Variants in RBPMS2 observed in about 807,000 individuals in gnomAD.
The protein encoded by RBPMS2 is RNA-binding protein with multiple splicing 2.
In RBPMS2, 14 loss-of-function variants were observed where a neutral mutation model predicts 25.7. That is an observed-to-expected ratio of 0.55 (90% CI 0.36 to 0.85). The LOEUF (loss-of-function observed/expected upper bound fraction) is 0.85. Among genes scored for constraint, RBPMS2 ranks in the 40% least tolerant of loss-of-function variants. The probability of loss-of-function intolerance (pLI) is 0.01; values close to 1 mark genes in which losing one functional copy is unlikely to be tolerated. For missense variants in RBPMS2, 252 were observed against 283.4 expected (o/e 0.89, Z 0.80); for synonymous variants, 127 against 115.6 (o/e 1.10, Z -0.63).
At chr15:64,752,907 C>T (rs750798392) in intron 1 of RBPMS2, among the ~76,000 whole-genome samples, 4 of 152,060 alleles carry the variant, frequency 2.6e-5, no homozygotes, top group Non-Finnish European at 5.9e-5. Context: ...CCACCGTGCC[C>T]GGCTGATGCT....
intron 1 of RBPMS2, among the ~76,000 whole-genome samples, chr15:64,769,056 G>C (rs1277423231): frequency 7.8e-6 from 1 of 128,136 alleles, no homozygotes; most frequent in Non-Finnish European, 1.6e-5. Context: ...AGCAGAGATC[G>C]TGCCACTGCA....
intron 1 of RBPMS2, among the ~76,000 whole-genome samples, chr15:64,771,727 A>C (rs1234535421): frequency 6.6e-6 from 1 of 152,026 alleles, no homozygotes; most frequent in Admixed American, 6.6e-5. Flanking sequence ...TGGGAGACTG[A>C]GGTGGGCAGG....
intron 1 of RBPMS2, among the ~76,000 whole-genome samples, chr15:64,757,751 AG>A (rs1259401679): frequency 1.3e-5 from 2 of 152,150 alleles, no homozygotes; most frequent in East Asian, 1.9e-4. Flanking sequence ...TCAGGGTAAC[AG>A]GGGAAACATT....
chr15:64,746,452 A>C (rs935995288), intron 6 of RBPMS2, among the ~76,000 whole-genome samples: 1 of 152,212 alleles, frequency 6.6e-6, no homozygotes, highest in East Asian at 1.9e-4. Context: ...CATGCGAACA[A>C]CACACCTATC....
At chr15:64,767,510 AG>A (rs2141076966) in intron 1 of RBPMS2, among the ~76,000 whole-genome samples, 1 of 152,306 alleles carries the variant, frequency 6.6e-6, no homozygotes, top group South Asian at 2.1e-4. Context: ...CCCTGCCTCC[AG>A]CTCGCAGGAT....
At chr15:64,752,473 T>A (rs1281074741) in intron 1 of RBPMS2, among the ~76,000 whole-genome samples, 3 of 152,176 alleles carry the variant, frequency 2.0e-5, no homozygotes, top group Non-Finnish European at 4.4e-5. Flanking sequence ...CTTATACTCC[T>A]GCCTCTCTGC....
Position 64,741,148 on chromosome 15 carries a change from C to T in RBPMS2, c.*7+25G>A, listed in dbSNP as rs766877121. The T allele has an allele frequency of 1.1e-5, 17 of 1,539,796 alleles. 1 individual carries two copies. In the South Asian group the frequency reaches 2.0e-4, roughly 18 times the overall value. ...GGAGCCGGAGTCTAGGACACTTGTC[C>T]TGGGCCTCTGGGGCCAACACTTACT... On this transcript the variant is annotated intron_variant, in intron 7 of 7. Transcript: ENST00000300069.
rs370859812 is a variant in RBPMS2 at position 64,751,576 on chromosome 15, G to C, written c.150C>G (p.Leu50=). The part of the protein sequence containing the change: ...VDIKPRELYL[L]FRPFKGYEGS... ...CCTGACTCACCTTGAACGGCCGGAA[G>C]AGCAAGTAGAGTTCTCTGGGTTTAA... The change falls in exon 2 of 8, where the codon CTC becomes CTG. Residue 50 remains leucine (L), a synonymous_variant. Transcript: ENST00000300069. The C allele has an allele frequency of 6.2e-7, 1 of 1,614,016 alleles. No individual in the cohort carries two copies. Among genetic ancestry groups the C allele is most frequent in the Admixed American group, 1.7e-5 (1 of 60,018 alleles).
chr15:64,744,686 G>A (rs1379688052), intron 6 of RBPMS2, among the ~76,000 whole-genome samples: 1 of 151,512 alleles, frequency 6.6e-6, no homozygotes, highest in East Asian at 1.9e-4. Flanking sequence ...ACCATCTACA[G>A]GGAGCTGGAC....
chr15:64,756,190 G>T (rs2083729970), intron 1 of RBPMS2, among the ~76,000 whole-genome samples: 1 of 152,184 alleles, frequency 6.6e-6, no homozygotes, highest in Non-Finnish European at 1.5e-5. Flanking sequence ...CCAGAGACCA[G>T]ATACGATCCA....
intron 1 of RBPMS2, among the ~76,000 whole-genome samples, chr15:64,752,547 A>T (rs2083692578): frequency 1.3e-5 from 2 of 152,004 alleles, no homozygotes; most frequent in African/African-American, 2.4e-5. Context: ...AACAGTCAAA[A>T]CCATTATGCT....
At chr15:64,751,669 G>C (rs1182668735) in intron 1 of RBPMS2, 31 bp from the exon 2 acceptor site, 17 of 1,592,258 alleles carry the variant, frequency 1.1e-5, no homozygotes, top group Non-Finnish European at 1.4e-5. Context: ...TCAGGGCCAG[G>C]CTGCCCAAGA....
intron 6 of RBPMS2, among the ~76,000 whole-genome samples, chr15:64,745,782 G>T (rs1365846696): frequency 1.3e-5 from 2 of 152,154 alleles, no homozygotes; most frequent in Non-Finnish European, 2.9e-5. Flanking sequence ...CAACCTCCAG[G>T]ACCCCTCCTG....
intron 1 of RBPMS2, among the ~76,000 whole-genome samples, chr15:64,756,251 C>T (rs1341253592): frequency 6.6e-6 from 1 of 152,194 alleles, no homozygotes; most frequent in Non-Finnish European, 1.5e-5. Context: ...CATGGTGGCT[C>T]ACACCTGTAA....
intron 2 of RBPMS2, 68 bp downstream of exon 2, chr15:64,751,493 G>C: frequency 7.2e-7 from 1 of 1,396,488 alleles, no homozygotes; most frequent in Non-Finnish European, 1.0e-6. Flanking sequence ...TGCCCGACCC[G>C]AGATTCACTC....
intron 1 of RBPMS2, among the ~76,000 whole-genome samples, chr15:64,763,954 C>T (rs986503369): frequency 9.2e-5 from 14 of 152,172 alleles, no homozygotes; most frequent in Admixed American, 7.2e-4. Flanking sequence ...GCCTTAATGT[C>T]GTGGGAACAC....
intron 2 of RBPMS2, among the ~76,000 whole-genome samples, chr15:64,750,752 A>G (rs1370798650): frequency 2.0e-5 from 3 of 152,246 alleles, no homozygotes; most frequent in African/African-American, 7.2e-5. Context: ...AAAGATTCTT[A>G]CTGTTAGCTG....
chr15:64,770,143 C>T lies in RBPMS2; in HGVS notation c.87+5090G>A, dbSNP rs373204851. ...GCAGTGAGCCAAGATCATACCACTGCATTCCAGCCTGGGTGACATGGCGAG... is the reference window on the plus strand; with the variant it reads ...GCAGTGAGCCAAGATCATACCACTGTATTCCAGCCTGGGTGACATGGCGAG... On this transcript the variant is annotated intron_variant, in intron 1 of 7. Coordinates refer to ENST00000300069, the MANE Select transcript of RBPMS2 (RefSeq NM_194272.3). Among the ~76,000 whole-genome samples, 6 of 152,076 alleles carry T rather than the reference C, an allele frequency of 3.9e-5. No homozygotes were observed. In the East Asian group the frequency reaches 1.2e-3, roughly 29 times the overall value.
At chr15:64,741,263 A>T (rs2083559974) in intron 6 of RBPMS2, 21 bp from the exon 7 acceptor site, 2 of 1,574,544 alleles carry the variant, frequency 1.3e-6, no homozygotes, top group East Asian at 2.3e-5. Flanking sequence ...AGCCAACGTC[A>T]GGAGCCAGCT....
Sources: allele counts gnomAD v4.1 joint callset (sites outside exome capture counted in the v4.1 genomes callset), GRCh38; gene constraint gnomAD v4.1.1; transcripts MANE v1.5; gene names NCBI Gene and HGNC (gene_info 2026-07-23, HGNC 2026-07-21).